Variants in THSD7B observed in about 807,000 individuals in gnomAD.
The protein encoded by THSD7B is thrombospondin type 1 domain containing 7B.
A neutral mutation model predicts 213.6 loss-of-function variants in THSD7B; 138 were observed. That is an observed-to-expected ratio of 0.65 (90% CI 0.56 to 0.74). The LOEUF is 0.74. Among genes scored for constraint, THSD7B ranks in the 30% least tolerant of loss-of-function variants. The probability of loss-of-function intolerance (pLI) is 0.00; values close to 1 mark genes in which losing one functional copy is unlikely to be tolerated. For synonymous variants in THSD7B, 742 were observed against 687.0 expected (o/e 1.08, Z -1.25); for missense variants, 1,931 against 1,991.5 (o/e 0.97, Z 0.58).
At chr2:137,542,474 G>A (rs1052623219) in intron 15 of THSD7B, among the ~76,000 whole-genome samples, 1 of 151,426 alleles carries the variant, frequency 6.6e-6, no homozygotes, top group Non-Finnish European at 1.5e-5. Context: ...GAAATGAAAG[G>A]ACACTGGAAA....
At chr2:136,935,372 G>T (rs1242490167) in intron 2 of THSD7B, among the ~76,000 whole-genome samples, 1 of 150,138 alleles carries the variant, frequency 6.7e-6, no homozygotes, top group East Asian at 1.9e-4. Context: ...TCATGGTATT[G>T]TGGTGAGGAT....
intron 17 of THSD7B, among the ~76,000 whole-genome samples, chr2:137,608,938 T>C (rs1682237476): frequency 6.6e-6 from 1 of 152,234 alleles, no homozygotes; most frequent in Admixed American, 6.5e-5. Context: ...CATTCTTGTG[T>C]TGTATGCTAT....
chr2:137,080,369 T>C (rs1012241502), intron 3 of THSD7B, among the ~76,000 whole-genome samples: 16 of 50,310 alleles, frequency 3.2e-4, no homozygotes, highest in Non-Finnish European at 5.1e-4. Flanking sequence ...GCCCAGCTGT[T>C]TTTTTTTTTT....
chr2:137,171,932 A>G (rs902196904), intron 7 of THSD7B, among the ~76,000 whole-genome samples: 6 of 152,162 alleles, frequency 3.9e-5, no homozygotes, highest in African/African-American at 1.2e-4. Context: ...CCAGGTGATT[A>G]TTTAATTAAA....
chr2:137,250,884 C>T (rs1053086699), intron 10 of THSD7B, among the ~76,000 whole-genome samples: 13 of 152,132 alleles, frequency 8.5e-5, no homozygotes, highest in Admixed American at 7.9e-4. Context: ...TAAATCCTAG[C>T]CCCCTCCACA....
intron 2 of THSD7B, among the ~76,000 whole-genome samples, chr2:137,026,671 A>G (rs1237701651): frequency 6.6e-6 from 1 of 151,950 alleles, no homozygotes; most frequent in Non-Finnish European, 1.5e-5. Flanking sequence ...CATGCTTCTC[A>G]CCCTTAGCCT....
intron 12 of THSD7B, among the ~76,000 whole-genome samples, chr2:137,352,144 G>A (rs926639654): frequency 6.6e-5 from 10 of 151,766 alleles, no homozygotes; most frequent in Non-Finnish European, 1.2e-4. Context: ...AGAGAAGGGG[G>A]CAGGGGTGAG....
intron 1 of THSD7B, among the ~76,000 whole-genome samples, chr2:136,836,538 G>A (rs567045563): frequency 4.1e-4 from 62 of 152,262 alleles, no homozygotes; most frequent in African/African-American, 1.5e-3. Context: ...AGGGAGCTTA[G>A]CACCTCACTG....
intron 12 of THSD7B, among the ~76,000 whole-genome samples, chr2:137,289,166 C>A (rs1375408313): frequency 6.6e-6 from 1 of 151,620 alleles, no homozygotes; most frequent in Non-Finnish European, 1.5e-5. Flanking sequence ...TATTACAAGA[C>A]ATGTTTTTTT....
intron 10 of THSD7B, among the ~76,000 whole-genome samples, chr2:137,266,779 C>T (rs76550687): frequency 0.027 from 4,067 of 152,320 alleles, 105 homozygotes; most frequent in Middle Eastern, 0.092. Context: ...ACACGTTCAT[C>T]TCCAACCCTG....
intron 15 of THSD7B, among the ~76,000 whole-genome samples, chr2:137,523,140 G>A (rs924470556): frequency 1.1e-4 from 17 of 150,492 alleles, no homozygotes; most frequent in African/African-American, 4.0e-4. Context: ...AATGGACTAG[G>A]CATATAATCA....
intron 12 of THSD7B, among the ~76,000 whole-genome samples, chr2:137,380,395 T>C (rs929157825): frequency 6.6e-6 from 1 of 152,150 alleles, no homozygotes; most frequent in African/African-American, 2.4e-5. Context: ...TTCCAGGACA[T>C]AGGACTCTCT....
At chr2:137,025,744 C>G (rs184816192) in intron 2 of THSD7B, among the ~76,000 whole-genome samples, 1 of 152,170 alleles carries the variant, frequency 6.6e-6, no homozygotes, top group East Asian at 1.9e-4. Flanking sequence ...TGTTCAGATT[C>G]TTTTGGTGAT....
intron 1 of THSD7B, among the ~76,000 whole-genome samples, chr2:136,825,107 T>C (rs1259164379): frequency 6.6e-6 from 1 of 152,202 alleles, no homozygotes; most frequent in South Asian, 2.1e-4. Context: ...CCTTTAAGAA[T>C]CTTTGTTCAA....
At chr2:137,158,357 GC>G (rs1011592982) in intron 5 of THSD7B, among the ~76,000 whole-genome samples, 5 of 152,028 alleles carry the variant, frequency 3.3e-5, no homozygotes, top group Non-Finnish European at 4.4e-5. Context: ...TTGTTTGATT[GC>G]CACCTCTTCT....
chr2:137,283,073 T>A (rs1683071023), intron 12 of THSD7B, among the ~76,000 whole-genome samples: 1 of 152,200 alleles, frequency 6.6e-6, no homozygotes, highest in Non-Finnish European at 1.5e-5. Context: ...GTAGCCTCTT[T>A]TATTTCATTG....
At chr2:137,293,385 GCC>G (rs2104835873) in intron 12 of THSD7B, among the ~76,000 whole-genome samples, 1 of 152,124 alleles carries the variant, frequency 6.6e-6, no homozygotes, top group South Asian at 2.1e-4. Flanking sequence ...TGATTTATCT[GCC>G]TTGGCCTCCC....
At chr2:137,065,670 A>AT (rs900595923) in intron 3 of THSD7B, among the ~76,000 whole-genome samples, 1 of 145,096 alleles carries the variant, frequency 6.9e-6, no homozygotes, top group Admixed American at 6.8e-5. Context: ...ATGTTGTTTG[A>AT]TTTTTTTCTT....
intron 16 of THSD7B, among the ~76,000 whole-genome samples, chr2:137,567,331 G>A (rs2105228988): frequency 6.6e-6 from 1 of 151,948 alleles, no homozygotes; most frequent in South Asian, 2.1e-4. Context: ...ACCACACCCA[G>A]CTAATTTTTG....
Sources: allele counts gnomAD v4.1 joint callset (sites outside exome capture counted in the v4.1 genomes callset), GRCh38; gene constraint gnomAD v4.1.1; transcripts MANE v1.5; gene names NCBI Gene and HGNC (gene_info 2026-07-23, HGNC 2026-07-21).